Variants in ABR observed in about 807,000 individuals in gnomAD.
The protein encoded by ABR is ABR activator of RhoGEF and GTPase, also known as active breakpoint cluster region-related protein.
In ABR, 35 loss-of-function variants were observed where a neutral mutation model predicts 107.2. The ratio of observed to expected loss-of-function variants is 0.33; its 90% CI spans 0.25 to 0.43. The LOEUF is 0.43. Among genes scored for constraint, ABR ranks in the 20% least tolerant of loss-of-function variants. The pLI is 1.00. For missense variants in ABR, 815 were observed against 1,115.2 expected (o/e 0.73, Z 3.83); for synonymous variants, 498 against 462.0 (o/e 1.08, Z -1.00).
At chr17:1,109,005 G>C in intron 2 of ABR, 1 of 1,598,494 alleles carries the variant, frequency 6.3e-7, no homozygotes, top group African/African-American at 1.4e-5. Context: ...TCCTCCAGGA[G>C]AAACACATCT....
chr17:1,057,407 T>G (rs1007329291), intron 12 of ABR, among the ~76,000 whole-genome samples: 2 of 149,396 alleles, frequency 1.3e-5, no homozygotes, highest in Non-Finnish European at 3.0e-5. Context: ...AAACGGAGTC[T>G]CACTCTGTCG....
chr17:1,229,441 C>G (rs545524928), exon 1 of ABR, among the ~76,000 whole-genome samples: 1 of 151,814 alleles, frequency 6.6e-6, no homozygotes, highest in African/African-American at 2.4e-5. Flanking sequence ...CCGCCCCGGG[C>G]CAGCGCGGCC....
intron 1 of ABR, among the ~76,000 whole-genome samples, chr17:1,132,317 C>T (rs918136536): frequency 2.6e-5 from 4 of 151,998 alleles, no homozygotes; most frequent in African/African-American, 9.7e-5. Context: ...TCATCTGTGC[C>T]CTCTCCCAGG....
intron 2 of ABR, among the ~76,000 whole-genome samples, chr17:1,101,843 C>T (rs1225036179): frequency 6.6e-6 from 1 of 151,924 alleles, no homozygotes; most frequent in Non-Finnish European, 1.5e-5. Flanking sequence ...ACGCCATTCT[C>T]CTGCCTCAGC....
At chr17:1,152,975 C>T (rs950491818) in intron 1 of ABR, among the ~76,000 whole-genome samples, 5 of 151,968 alleles carry the variant, frequency 3.3e-5, no homozygotes, top group African/African-American at 1.2e-4. Context: ...GCCTGTAGTC[C>T]CAGCTACTTG....
At chr17:1,088,452 TTAATAA>T (rs60961802) in intron 4 of ABR, among the ~76,000 whole-genome samples, 29,109 of 143,348 alleles carry the variant, frequency 0.2, 3,366 homozygotes, top group East Asian at 0.52. Flanking sequence ...TCTTCCCAAT[TTAATAA>T]TAATAATAAT....
In ABR at chr17:1,009,714, G is replaced by A; in HGVS notation, c.2307C>T (p.Leu769=). ...HLLRSLPDPN[L]ITFLFLLEHL... ...GTTCCAGCAGGAAGAGGAAGGTGAT[G>A]AGGTTGGGGTCGGGCAGGGAGCGGA... The change falls in exon 21 of 23, where the codon CTC becomes CTT. Residue 769 remains leucine, a synonymous_variant. Coordinates refer to ENST00000302538, the MANE Select transcript of ABR (RefSeq NM_021962.5). 1 of 1,614,166 alleles carries A rather than the reference G, an allele frequency of 6.2e-7. No homozygotes were observed. Among genetic ancestry groups the A allele is most frequent in the Non-Finnish European group, 8.5e-7 (1 of 1,180,002 alleles).
upstream of ABR, among the ~76,000 whole-genome samples, chr17:1,180,946 C>A (rs2042114744): frequency 6.6e-6 from 1 of 152,148 alleles, no homozygotes; most frequent in South Asian, 2.1e-4. Context: ...GGGGCTGAAG[C>A]CCCTTCCTGA....
chr17:1,028,835 T>C (rs1036477942), intron 16 of ABR, among the ~76,000 whole-genome samples: 1 of 151,888 alleles, frequency 6.6e-6, no homozygotes, highest in African/African-American at 2.4e-5. Flanking sequence ...ACTTGGTTGC[T>C]CTATAAGGGC....
intron 2 of ABR, among the ~76,000 whole-genome samples, chr17:1,122,109 G>C (rs1394140880): frequency 6.6e-6 from 1 of 152,138 alleles, no homozygotes; most frequent in Non-Finnish European, 1.5e-5. Flanking sequence ...CACCATGTTG[G>C]CCAGGCTAGT....
chr17:1,164,874 C>T (rs1199669316), intron 1 of ABR, among the ~76,000 whole-genome samples: 1 of 152,142 alleles, frequency 6.6e-6, no homozygotes, highest in Non-Finnish European at 1.5e-5. Flanking sequence ...CTCTATGTTG[C>T]CCAGGCTGGT....
In ABR at chr17:1,084,146, C is replaced by T. The variant is rs1024363403; in HGVS notation, c.532-519G>A. The stretch of plus-strand genomic sequence containing the variant: ...TGGCGGCTCACGCCTGTAACCCCAG[C>T]ACTTTGGGAGGCCTGAGGTCAGGAG... On this transcript the variant is annotated intron_variant, in intron 4 of 22. Coordinates refer to ENST00000302538, the MANE Select transcript of ABR (RefSeq NM_021962.5). This position sits in a 1 kb window ranked among gnomAD's most constrained non-coding sequence, Gnocchi z 4.2. Among the ~76,000 whole-genome samples the T allele has an allele frequency of 6.6e-6, 1 of 152,198 alleles. No individual in the cohort carries two copies. Among genetic ancestry groups the T allele is most frequent in the Non-Finnish European group, 1.5e-5 (1 of 68,030 alleles).
At chr17:1,096,155 G>A (rs985131339) in intron 3 of ABR, among the ~76,000 whole-genome samples, 21 of 152,124 alleles carry the variant, frequency 1.4e-4, no homozygotes, top group Non-Finnish European at 2.2e-4. Context: ...TGTAATCAGA[G>A]CCCACCAGGA....
At chr17:1,107,010 G>A (rs887611867) in intron 2 of ABR, among the ~76,000 whole-genome samples, 4 of 152,214 alleles carry the variant, frequency 2.6e-5, no homozygotes, top group Non-Finnish European at 5.9e-5. Context: ...TCTTCCCACC[G>A]CTCTGTGGCC....
intron 2 of ABR, among the ~76,000 whole-genome samples, chr17:1,105,003 CTTTTTTTTTTTTTT>C (rs748696872): frequency 1.6e-5 from 2 of 125,768 alleles, no homozygotes; most frequent in South Asian, 2.5e-4. Context: ...TTTACAGTAA[CTTTTTTTTTTTTTT>C]TTTTTTTTTG....
rs1314374529 is a variant in ABR, at chr17:1,078,514, C to T, written c.700+816G>A. Among the ~76,000 whole-genome samples the T allele has an allele frequency of 6.6e-6, 1 of 152,148 alleles. No homozygotes were observed. Among genetic ancestry groups the T allele is most frequent in the Non-Finnish European group, 1.5e-5 (1 of 68,022 alleles). On this transcript the variant is annotated intron_variant, in intron 6 of 22. Transcript: ENST00000302538. The surrounding 1 kb of genome is among the most constrained non-coding windows in gnomAD (Gnocchi z 7.5). ...GCGGGCACAGCTCGTCGCCGTCTCT[C>T]CCTAACAGCCCCTCCAGGAAGTTCT...
intron 1 of ABR, among the ~76,000 whole-genome samples, chr17:1,162,667 C>CTG (rs1170578612): frequency 4.6e-5 from 7 of 150,996 alleles, no homozygotes; most frequent in South Asian, 2.1e-4. Context: ...TGGCTCACAC[C>CTG]TCTCATCCCA....
At chr17:1,046,287 GGCCCCACACCCAGCTAA>G (rs2031593400) in intron 16 of ABR, among the ~76,000 whole-genome samples, 1 of 117,294 alleles carries the variant, frequency 8.5e-6, no homozygotes, top group African/African-American at 2.9e-5. Context: ...TACAGGCGTG[GGCCCCACACCCAGCTAA>G]TTCTTGTATT....
At chr17:1,226,892 A>T (rs979012023) in intron 1 of ABR, among the ~76,000 whole-genome samples, 1 of 146,516 alleles carries the variant, frequency 6.8e-6, no homozygotes, top group Non-Finnish European at 1.5e-5. Context: ...GCATGCATGT[A>T]ACCAAGTGCA....
Sources: gnomAD v4.1 joint callset for allele counts (sites outside exome capture counted in the v4.1 genomes callset) on GRCh38, gnomAD v4.1.1 for gene constraint, Gnocchi (gnomAD v3.1) non-coding constraint, MANE v1.5 for transcripts, NCBI Gene and HGNC (gene_info 2026-07-23, HGNC 2026-07-21) for gene names.